The following AKT3 variants were observed in gnomAD, a reference collection of about 807,000 sequenced individuals.
AKT3 encodes AKT serine/threonine kinase 3.
In AKT3, 15 loss-of-function variants were observed where a neutral mutation model predicts 65.3. The ratio of observed to expected loss-of-function variants is 0.23; its 90% CI spans 0.15 to 0.35. AKT3 has a LOEUF of 0.35. Among genes scored for constraint, AKT3 ranks in the 10% least tolerant of loss-of-function variants. The pLI, the probability that AKT3 is intolerant of heterozygous loss-of-function variation, is 1.00. For missense variants in AKT3, 243 were observed against 576.5 expected (o/e 0.42, Z 5.92); for synonymous variants, 206 against 183.8 (o/e 1.12, Z -0.98).
intron 2 of AKT3, among the ~76,000 whole-genome samples, chr1:243,734,158 T>A (rs1311554520): frequency 6.6e-6 from 1 of 152,206 alleles, no homozygotes; most frequent in Non-Finnish European, 1.5e-5. Context: ...TCACTGGCAC[T>A]TCCAGTAAGT....
intron 2 of AKT3, among the ~76,000 whole-genome samples, chr1:243,803,243 C>T (rs1196276998): frequency 1.3e-5 from 2 of 152,066 alleles, no homozygotes; most frequent in Non-Finnish European, 2.9e-5. Context: ...ATCTCAAATC[C>T]TCCCAACAAC....
rs140098118 is a variant in AKT3 at position 243,729,358 on chromosome 1, T to A, written c.47-33642A>T. 7.8e-4 allele frequency among the ~76,000 whole-genome samples: 118 copies of A among 152,230 alleles called. 1 individual carries two copies. In the East Asian group the frequency reaches 0.02, roughly 26 times the overall value. ...CTGGTAATACAAGAGAGGTAATGAT[T>A]TGAGATTTTGAAAAGATTAAAAGGG... is the stretch of plus-strand genomic sequence containing the variant. On this transcript the variant is annotated intron_variant, in intron 2 of 13. Transcript: ENST00000673466.
At chr1:243,615,497 T>C (rs1678233311) in intron 6 of AKT3, among the ~76,000 whole-genome samples, 1 of 152,158 alleles carries the variant, frequency 6.6e-6, no homozygotes, top group Admixed American at 6.5e-5. Context: ...ATTTATCAAC[T>C]AATATTTCTG....
chr1:243,843,070 A>T, intron 2 of AKT3, 55 bp downstream of exon 2: 1 of 1,570,636 alleles, frequency 6.4e-7, no homozygotes, highest in Non-Finnish European at 8.7e-7. Flanking sequence ...CTAAGACACC[A>T]CTCACTGCTA....
chr1:243,629,500 TG>T (rs961883256), intron 6 of AKT3, among the ~76,000 whole-genome samples: 9 of 151,904 alleles, frequency 5.9e-5, no homozygotes, highest in African/African-American at 2.2e-4. Context: ...TAAGTAGATA[TG>T]GGAGATATTG....
Position 243,599,527 on chromosome 1 carries a change from A to T in AKT3, c.696+14144T>A, listed in dbSNP as rs886633986. Among the ~76,000 whole-genome samples the T allele has an allele frequency of 4.0e-4, 61 of 152,184 alleles. 1 individual carries two copies. The highest frequency in any genetic ancestry group is 3.9e-3 in the Admixed American group (60 of 15,268). On this transcript the variant is annotated intron_variant, in intron 8 of 13. Transcript: ENST00000673466. ...TATGCTGTTATAAGGTTCTTACAGT[A>T]CAGGTAAAGTGACACAGCATATTGT... is the stretch of plus-strand genomic sequence containing the variant.
chr1:243,668,346 G>C (rs530549895), intron 3 of AKT3, among the ~76,000 whole-genome samples: 20 of 152,232 alleles, frequency 1.3e-4, no homozygotes, highest in Non-Finnish European at 2.6e-4. Context: ...AAATAGTTTA[G>C]TAATAAAATA....
At chr1:243,806,996 G>T (rs1316459879) in intron 2 of AKT3, among the ~76,000 whole-genome samples, 2 of 152,160 alleles carry the variant, frequency 1.3e-5, no homozygotes, top group African/African-American at 4.8e-5. Flanking sequence ...ATCAATGGAG[G>T]TAAAAGGCTA....
At position 243,641,281 on chromosome 1, in the gene AKT3, C is replaced by T. The variant is rs1354222020; in HGVS notation, c.430-3539G>A. Reference sequence around the variant, plus strand: ...GTGTATATATATATATATACACACACACACACACGCACACACACACACATA... The same window carrying T: ...GTGTATATATATATATATACACACATACACACACGCACACACACACACATA... On this transcript the variant is annotated intron_variant, in intron 5 of 13. Transcript: ENST00000673466. Among the ~76,000 whole-genome samples the T allele has an allele frequency of 1.5e-4, 23 of 149,924 alleles. No homozygotes were observed. In the South Asian group the frequency reaches 3.8e-3, roughly 25 times the overall value.
chr1:243,603,110 C>T (rs1004574963), intron 8 of AKT3, among the ~76,000 whole-genome samples: 2 of 152,142 alleles, frequency 1.3e-5, no homozygotes, highest in Non-Finnish European at 2.9e-5. Context: ...AAAAAGAGAG[C>T]TGCCTGGATA....
In AKT3 at chr1:243,645,875, TAAGTTA is replaced by T; in HGVS notation, c.429+12_429+17del. The T allele has an allele frequency of 6.3e-7, 1 of 1,593,094 alleles. No homozygotes were observed. The highest frequency in any genetic ancestry group is 8.5e-7 in the Non-Finnish European group (1 of 1,169,626). On this transcript the variant is annotated intron_variant, in intron 5 of 13. Transcript: ENST00000673466. The stretch of plus-strand genomic sequence containing the variant: ...AGACAAATGAATGCTGTGCTGGGAA[TAAGTTA>T]TTATTTTCTACCTTTCTTTTATGAT...
chr1:243,581,402 A>G (rs979795911), intron 8 of AKT3, among the ~76,000 whole-genome samples: 1 of 152,214 alleles, frequency 6.6e-6, no homozygotes, highest in Non-Finnish European at 1.5e-5. Context: ...TCTAAGTGCC[A>G]TCTACAGGCT....
chr1:243,516,812 G>A (rs192072689), intron 12 of AKT3, among the ~76,000 whole-genome samples: 3 of 152,234 alleles, frequency 2.0e-5, no homozygotes, highest in Admixed American at 2.0e-4. Flanking sequence ...ACTATGTTGT[G>A]CAGACTAGTC....
rs568653486 is a variant in AKT3 at position 243,706,586 on chromosome 1, G to A, written c.47-10870C>T. Among the ~76,000 whole-genome samples the A allele has an allele frequency of 2.6e-5, 4 of 152,218 alleles. No individual in the cohort carries two copies. In the East Asian group the frequency reaches 5.8e-4, roughly 22 times the overall value. On this transcript the variant is annotated intron_variant, in intron 2 of 13. Transcript: ENST00000673466. ...CCCTAAAATGGCACTGCATCAAACC[G>A]AGAGCTCCACTATTCTGAGGATGAA...
intron 1 of AKT3, among the ~76,000 whole-genome samples, chr1:243,847,976 GAATAC>G (rs1695590022): frequency 6.6e-6 from 1 of 152,080 alleles, no homozygotes; most frequent in African/African-American, 2.4e-5. Context: ...AAAACCAAAT[GAATAC>G]AAATAATAAT....
chr1:243,664,503 C>G (rs900338118), intron 4 of AKT3, among the ~76,000 whole-genome samples: 2 of 151,700 alleles, frequency 1.3e-5, no homozygotes, highest in Non-Finnish European at 2.9e-5. Context: ...CGCGCCAGGC[C>G]AAAAATGTCT....
intron 2 of AKT3, among the ~76,000 whole-genome samples, chr1:243,696,111 C>G (rs1259502745): frequency 1.3e-5 from 2 of 149,864 alleles, no homozygotes; most frequent in African/African-American, 2.4e-5. Context: ...ATAAGAGAGG[C>G]AAGAAATAGA....
intron 2 of AKT3, among the ~76,000 whole-genome samples, chr1:243,748,380 C>G (rs1688606221): frequency 6.6e-6 from 1 of 151,632 alleles, no homozygotes; most frequent in South Asian, 2.1e-4. Context: ...GTTGGATAGA[C>G]AGTGTTCTTC....
At chr1:243,601,000 T>C (rs925663294) in intron 8 of AKT3, among the ~76,000 whole-genome samples, 1 of 151,994 alleles carries the variant, frequency 6.6e-6, no homozygotes, top group Non-Finnish European at 1.5e-5. Flanking sequence ...TAGATCATGA[T>C]TGTGGTGATG....
Sources: allele counts gnomAD v4.1 joint callset (sites outside exome capture counted in the v4.1 genomes callset), GRCh38; gene constraint gnomAD v4.1.1; transcripts MANE v1.5; gene names NCBI Gene and HGNC (gene_info 2026-07-23, HGNC 2026-07-21).